Variants in PARD6G observed in about 807,000 individuals in gnomAD.
PARD6G encodes par-6 family cell polarity regulator gamma.
A neutral mutation model predicts 10.7 loss-of-function variants in PARD6G; 7 were observed. The ratio of observed to expected loss-of-function variants is 0.66; its 90% CI spans 0.37 to 1.23. The LOEUF is 1.23. PARD6G is among the 50% of genes most tolerant of loss of function. The pLI, the probability that PARD6G is intolerant of heterozygous loss-of-function variation, is 0.02. For missense variants in PARD6G, 548 were observed against 571.8 expected, an observed-to-expected ratio of 0.96 and a Z score of 0.42; for synonymous variants, 287 against 269.4, an observed-to-expected ratio of 1.07 and a Z score of -0.64.
intron 2 of PARD6G, among the ~76,000 whole-genome samples, chr18:80,179,569 A>T (rs1275882048): frequency 6.6e-6 from 1 of 152,164 alleles, no homozygotes; most frequent in Admixed American, 6.5e-5. Context: ...GCCCACGTTA[A>T]ATCAGCTGTT....
chr18:80,157,633 T>C lies in PARD6G; in HGVS notation c.*2138A>G, dbSNP rs1328950635. ...AAACTGCTTCTGACTGCTGGGGCAC[T>C]GAACGACATGCCCTTCATCAGAGAG... is the stretch of plus-strand genomic sequence containing the variant. On this transcript the variant is annotated 3_prime_UTR_variant, in exon 3 of 3. Coordinates refer to ENST00000353265, the MANE Select transcript of PARD6G (RefSeq NM_032510.4). 1 of 152,202 alleles carries C rather than the reference T, an allele frequency of 6.6e-6. No individual in the cohort carries two copies. Among genetic ancestry groups the C allele is most frequent in the Non-Finnish European group, 1.5e-5 (1 of 68,040 alleles). 9.4% of individuals were successfully genotyped at this position (152,202 alleles called of 1,614,324 possible).
At position 80,188,978 on chromosome 18, in the gene PARD6G, T is replaced by A. The variant is rs1252644578; in HGVS notation, c.295+13732A>T. Among the ~76,000 whole-genome samples the A allele has an allele frequency of 3.9e-5, 6 of 152,152 alleles. No individual in the cohort carries two copies. The highest frequency in any genetic ancestry group is 1.4e-4 in the African/African-American group (6 of 41,430). On this transcript the variant is annotated intron_variant, in intron 2 of 2. Transcript: ENST00000353265. This position sits in a 1 kb window ranked among gnomAD's most constrained non-coding sequence, Gnocchi z 5.4. Reference sequence around the variant, plus strand: ...GCTCATCCCAGCAGAGGCAGCAAGGTAGGCGTTGCCCAGCCCGGGGTTGCC... The same window carrying A: ...GCTCATCCCAGCAGAGGCAGCAAGGAAGGCGTTGCCCAGCCCGGGGTTGCC...
intron 1 of PARD6G, among the ~76,000 whole-genome samples, chr18:80,244,094 C>T (rs1967517474): frequency 6.6e-6 from 1 of 152,154 alleles, no homozygotes; most frequent in Admixed American, 6.5e-5. Flanking sequence ...TTTACCGCCC[C>T]CTGTAAACCC....
rs947416800 is a variant in PARD6G at position 80,200,854 on chromosome 18, G to C, written c.295+1856C>G. On this transcript the variant is annotated intron_variant, in intron 2 of 2. Coordinates refer to ENST00000353265, the MANE Select transcript of PARD6G (RefSeq NM_032510.4). The surrounding 1 kb of genome is among the most constrained non-coding windows in gnomAD (Gnocchi z 4.4). ...GCCCAGCTTTGATGCATCCCCAGTA[G>C]AGGGTGCCAAGACGCCTGGGGCCCA... 2.0e-5 allele frequency among the ~76,000 whole-genome samples: 3 copies of C among 152,192 alleles called. No homozygotes were observed. The highest frequency in any genetic ancestry group is 7.2e-5 in the African/African-American group (3 of 41,430).
At chr18:80,179,290 CT>C (rs2052835198) in intron 2 of PARD6G, among the ~76,000 whole-genome samples, 1 of 151,514 alleles carries the variant, frequency 6.6e-6, no homozygotes, top group Admixed American at 6.6e-5. Context: ...GCTGAAGTCA[CT>C]CAGGTGAGCC....
At chr18:80,232,716 T>C (rs1967374015) in intron 1 of PARD6G, among the ~76,000 whole-genome samples, 1 of 152,128 alleles carries the variant, frequency 6.6e-6, no homozygotes, top group Admixed American at 6.5e-5. Context: ...TCACTACACC[T>C]GCCCCATCTC....
In PARD6G at chr18:80,200,008, C is replaced by A. The variant is rs1966994367; in HGVS notation, c.295+2702G>T. On this transcript the variant is annotated intron_variant, in intron 2 of 2. Transcript: ENST00000353265. This position sits in a 1 kb window ranked among gnomAD's most constrained non-coding sequence, Gnocchi z 4.4. ...TATTCCAACATGTATTAGGAGAATG[C>A]TGACTTTTCCTCTGTGATAGTAAAT... Among the ~76,000 whole-genome samples the A allele has an allele frequency of 6.6e-6, 1 of 152,188 alleles. No homozygotes were observed. The highest frequency in any genetic ancestry group is 6.5e-5 in the Admixed American group (1 of 15,286).
At chr18:80,163,168 T>G (rs914856403) in intron 2 of PARD6G, among the ~76,000 whole-genome samples, 1 of 152,180 alleles carries the variant, frequency 6.6e-6, no homozygotes, top group Non-Finnish European at 1.5e-5. Flanking sequence ...AACATTGTGG[T>G]GCAGGTGGCC....
rs899448708 is a variant in PARD6G at position 80,175,123 on chromosome 18, CCTT to C, written c.296-14520_296-14518del. On this transcript the variant is annotated intron_variant, in intron 2 of 2. Coordinates refer to ENST00000353265, the MANE Select transcript of PARD6G (RefSeq NM_032510.4). This position sits in a 1 kb window ranked among gnomAD's most constrained non-coding sequence, Gnocchi z 6.7. ...AAGCAGAAAGAAAATGCCCCATAAT[CCTT>C]CTTCCTAACAGTCTAGTACACACTT... 2.0e-5 allele frequency among the ~76,000 whole-genome samples: 3 copies of C among 152,138 alleles called. No homozygotes were observed. The highest frequency in any genetic ancestry group is 7.2e-5 in the African/African-American group (3 of 41,412).
At chr18:80,245,592 G>A (rs1034345165) in intron 1 of PARD6G, among the ~76,000 whole-genome samples, 3 of 152,046 alleles carry the variant, frequency 2.0e-5, no homozygotes, top group Admixed American at 2.0e-4. Flanking sequence ...CTCAGAGGCT[G>A]AGAACACAGA....
intron 1 of PARD6G, among the ~76,000 whole-genome samples, chr18:80,217,376 TATGTGTAAG>T (rs150372794): frequency 0.013 from 1,924 of 152,222 alleles, 9 homozygotes; most frequent in Non-Finnish European, 0.022. Context: ...TCCCACCTCT[TATGTGTAAG>T]GCACACGGAA....
chr18:80,179,281 C>T (rs1342560623), intron 2 of PARD6G, among the ~76,000 whole-genome samples: 1 of 151,484 alleles, frequency 6.6e-6, no homozygotes, highest in African/African-American at 2.4e-5. Context: ...ACCCCCGGCG[C>T]TGAAGTCACT....
intron 1 of PARD6G, among the ~76,000 whole-genome samples, chr18:80,223,981 C>G (rs1213021796): frequency 6.6e-6 from 1 of 152,182 alleles, no homozygotes; most frequent in African/African-American, 2.4e-5. Context: ...ATGGACCCAA[C>G]AGTGTTGGCT....
intron 1 of PARD6G, among the ~76,000 whole-genome samples, chr18:80,244,740 C>T (rs572422968): frequency 2.0e-4 from 30 of 152,286 alleles, no homozygotes; most frequent in African/African-American, 5.3e-4. Context: ...GCTCCCCAGA[C>T]GCCATTTTCC....
intron 1 of PARD6G, among the ~76,000 whole-genome samples, chr18:80,233,768 G>A (rs564447815): frequency 1.3e-5 from 2 of 152,258 alleles, no homozygotes; most frequent in African/African-American, 4.8e-5. Context: ...ATGCACAGGC[G>A]TACTGTCCAT....
intron 1 of PARD6G, among the ~76,000 whole-genome samples, chr18:80,223,463 T>C (rs1967254073): frequency 6.6e-6 from 1 of 152,120 alleles, no homozygotes; most frequent in Non-Finnish European, 1.5e-5. Context: ...GTCAAATAAC[T>C]TTAATAGACA....
At chr18:80,234,793 A>C (rs955649627) in intron 1 of PARD6G, among the ~76,000 whole-genome samples, 2 of 152,184 alleles carry the variant, frequency 1.3e-5, no homozygotes, top group Non-Finnish European at 2.9e-5. Context: ...GGATCAATTC[A>C]ACAAGAAGAG....
chr18:80,160,556 G>C lies in PARD6G; in HGVS notation c.346C>G (p.Arg116Gly). 6.8e-7 allele frequency: 1 copy of C among 1,480,180 alleles called. No homozygotes were observed. The highest frequency in any genetic ancestry group is 8.9e-7 in the Non-Finnish European group (1 of 1,118,676). The allele number at this position is 1,480,180 out of a possible 1,614,324, so 91.7% of individuals were successfully genotyped here. A position where few individuals can be genotyped will look rare whatever the true frequency, so the allele number is the denominator to read the frequency against. Residue 116 changes from arginine (R) to glycine (G), a missense_variant, in exon 3 of 3, where the codon CGG (arginine) becomes GGG (glycine). Arg to Gly is a moderately radical substitution (Grantham distance 125). Transcript: ENST00000353265. ...TCATCACGCAGCGCGCCCAGCGCCC[G>C]CCTCCGCCTGCACAGCGAGCCCGCG... The part of the protein sequence containing the change: ...LGAGSLCRRR[R>G]ALGALRDEGP...
At chr18:80,212,882 C>A (rs1274911124) in intron 1 of PARD6G, among the ~76,000 whole-genome samples, 4 of 135,164 alleles carry the variant, frequency 3.0e-5, no homozygotes, top group Non-Finnish European at 5.3e-5. Flanking sequence ...GAGACCCCAT[C>A]TCAAAAAAAA....
Sources: allele counts gnomAD v4.1 joint callset (sites outside exome capture counted in the v4.1 genomes callset), GRCh38; gene constraint gnomAD v4.1.1; non-coding constraint Gnocchi (gnomAD v3.1); transcripts MANE v1.5; gene names NCBI Gene and HGNC (gene_info 2026-07-23, HGNC 2026-07-21).